Variants in PTPRD observed in about 807,000 individuals in gnomAD.
The protein encoded by PTPRD is protein tyrosine phosphatase receptor type D, also known as receptor-type tyrosine-protein phosphatase delta.
A neutral mutation model predicts 214.5 loss-of-function variants in PTPRD; 34 were observed. That is an observed-to-expected ratio of 0.16 (90% CI 0.12 to 0.21). The LOEUF is 0.21. PTPRD is among the 10% of genes least tolerant of loss of function. The pLI, the probability that PTPRD is intolerant of heterozygous loss-of-function variation, is 1.00. For synonymous variants in PTPRD, 1,128 were observed against 845.7 expected (o/e 1.33, Z -5.79); for missense variants, 2,545 against 2,398.7 (o/e 1.06, Z -1.27).
intron 8 of PTPRD, among the ~76,000 whole-genome samples, chr9:9,531,360 T>G (rs1390765763): frequency 6.6e-6 from 1 of 152,138 alleles, no homozygotes; most frequent in Non-Finnish European, 1.5e-5. Context: ...TGGCATATAA[T>G]AAGTACCTAT....
intron 3 of PTPRD, among the ~76,000 whole-genome samples, chr9:10,100,927 G>T (rs573084081): frequency 1.3e-5 from 2 of 151,650 alleles, no homozygotes; most frequent in East Asian, 3.9e-4. Context: ...TAACGAAAAA[G>T]GTCAGTGAGA....
chr9:8,439,730 G>A (rs2095478697), intron 34 of PTPRD, among the ~76,000 whole-genome samples: 1 of 151,766 alleles, frequency 6.6e-6, no homozygotes, highest in Admixed American at 6.6e-5. Context: ...CATCTCCGCT[G>A]CCCAATATTG....
chr9:9,956,630 C>T (rs918175981), intron 4 of PTPRD, among the ~76,000 whole-genome samples: 4 of 151,860 alleles, frequency 2.6e-5, no homozygotes, highest in African/African-American at 9.7e-5. Context: ...TCACAAATAG[C>T]TATTTCAGAT....
rs1467712528 is a variant in PTPRD, at chr9:9,094,897, C to A, written c.-142-76162G>T. On this transcript the variant is annotated intron_variant, in intron 10 of 45. Transcript: ENST00000381196. ...GAAAATAAATCTTTAAACCAGTGTC[C>A]TTCATGATCATAGATGCACAAATTC... Among the ~76,000 whole-genome samples, 7 of 152,188 alleles carry A rather than the reference C, an allele frequency of 4.6e-5. No individual in the cohort carries two copies. The East Asian group carries it at 9.7e-4, about 21-fold the overall frequency.
chr9:9,119,304 A>C (rs2099815344), intron 10 of PTPRD, among the ~76,000 whole-genome samples: 1 of 152,208 alleles, frequency 6.6e-6, no homozygotes, highest in Admixed American at 6.5e-5. Context: ...GCTTTTTAAC[A>C]ATAACAAAAA....
At chr9:9,567,603 C>G (rs965631967) in intron 8 of PTPRD, among the ~76,000 whole-genome samples, 1 of 151,870 alleles carries the variant, frequency 6.6e-6, no homozygotes, top group African/African-American at 2.4e-5. Flanking sequence ...AGTATTAATT[C>G]AAGAAGGATG....
At chr9:10,599,290 G>C (rs575711734) in intron 2 of PTPRD, among the ~76,000 whole-genome samples, 1 of 151,836 alleles carries the variant, frequency 6.6e-6, no homozygotes, top group African/African-American at 2.4e-5. Flanking sequence ...TTATAATTGA[G>C]TTATTATCTG....
intron 37 of PTPRD, among the ~76,000 whole-genome samples, chr9:8,388,503 C>G (rs1364192006): frequency 1.3e-5 from 2 of 152,172 alleles, no homozygotes; most frequent in Admixed American, 1.3e-4. Context: ...ACAAAATGTA[C>G]ACATGTACTC....
chr9:8,810,364 A>G (rs1375536674), intron 11 of PTPRD, among the ~76,000 whole-genome samples: 8 of 152,158 alleles, frequency 5.3e-5, no homozygotes. Context: ...CCTTCTTCAA[A>G]GGTTATCTTC....
At position 10,305,858 on chromosome 9, in the gene PTPRD, G is replaced by A. The variant is rs191381115; in HGVS notation, c.-545+35105C>T. 8.1e-4 allele frequency among the ~76,000 whole-genome samples: 124 copies of A among 152,270 alleles called. 1 individual carries two copies. Among genetic ancestry groups the A allele is most frequent in the African/African-American group, 2.8e-3 (118 of 41,564 alleles). ...ATTAGTACAACCATTGTGGAAGAGA[G>A]TGTGGCGATTCCTCAAGGATCTAGA... On this transcript the variant is annotated intron_variant, in intron 3 of 45. Coordinates refer to ENST00000381196, the MANE Select transcript of PTPRD (RefSeq NM_002839.4).
At chr9:9,309,131 G>T (rs889824530) in intron 9 of PTPRD, among the ~76,000 whole-genome samples, 13 of 151,440 alleles carry the variant, frequency 8.6e-5, no homozygotes, top group African/African-American at 2.4e-4. Flanking sequence ...CTTCAAAAAA[G>T]ATATTATTTT....
intron 12 of PTPRD, among the ~76,000 whole-genome samples, chr9:8,704,171 T>C (rs895506666): frequency 6.6e-6 from 1 of 151,996 alleles, no homozygotes; most frequent in South Asian, 2.1e-4. Flanking sequence ...GAACACTGAG[T>C]TTACAGAGCA....
intron 4 of PTPRD, among the ~76,000 whole-genome samples, chr9:9,999,910 T>C (rs2096266819): frequency 6.6e-6 from 1 of 152,182 alleles, no homozygotes; most frequent in Non-Finnish European, 1.5e-5. Flanking sequence ...ATTCTTGTCC[T>C]AAAAGGAAAT....
intron 9 of PTPRD, among the ~76,000 whole-genome samples, chr9:9,214,546 T>G (rs2099950903): frequency 1.3e-5 from 2 of 151,990 alleles, no homozygotes; most frequent in Non-Finnish European, 2.9e-5. Flanking sequence ...CTGATCAAAC[T>G]TATTAGAGCT....
intron 33 of PTPRD, among the ~76,000 whole-genome samples, chr9:8,456,637 G>C (rs1034325598): frequency 1.3e-4 from 20 of 152,114 alleles, no homozygotes; most frequent in African/African-American, 4.8e-4. Flanking sequence ...TACAGAAAGA[G>C]AAGACTAAAG....
At chr9:8,637,107 C>T (rs779806815) in intron 12 of PTPRD, among the ~76,000 whole-genome samples, 8 of 151,918 alleles carry the variant, frequency 5.3e-5, no homozygotes, top group South Asian at 2.1e-4. Context: ...CAATAACATC[C>T]GAAAAGCAAC....
At chr9:9,464,955 A>C (rs2094008529) in intron 8 of PTPRD, among the ~76,000 whole-genome samples, 1 of 152,164 alleles carries the variant, frequency 6.6e-6, no homozygotes, top group African/African-American at 2.4e-5. Flanking sequence ...CTCATTTTGC[A>C]TATTTTAGGG....
intron 8 of PTPRD, among the ~76,000 whole-genome samples, chr9:9,409,949 T>C (rs1031307921): frequency 5.3e-5 from 8 of 152,180 alleles, no homozygotes; most frequent in African/African-American, 1.9e-4. Flanking sequence ...AAATGAAATG[T>C]GTAATATGTT....
intron 35 of PTPRD, among the ~76,000 whole-genome samples, chr9:8,434,322 T>C (rs1306799504): frequency 6.6e-6 from 1 of 152,192 alleles, no homozygotes; most frequent in Non-Finnish European, 1.5e-5. Context: ...ACCTTTTCTT[T>C]GTTTAAACAC....
Sources: gnomAD v4.1 joint callset for allele counts (sites outside exome capture counted in the v4.1 genomes callset) on GRCh38, gnomAD v4.1.1 for gene constraint, MANE v1.5 for transcripts, NCBI Gene and HGNC (gene_info 2026-07-23, HGNC 2026-07-21) for gene names.